Variants in CDH4 observed in about 807,000 individuals in gnomAD.
The protein encoded by CDH4 is cadherin 4.
CDH4 carries 33 observed loss-of-function variants against 86.0 expected under a neutral mutation model. That is an observed-to-expected ratio of 0.38 (90% CI 0.29 to 0.51). CDH4 has a LOEUF of 0.51. Among genes scored for constraint, CDH4 ranks in the 20% least tolerant of loss-of-function variants. CDH4 has a pLI of 0.86. For synonymous variants in CDH4, 555 were observed against 549.4 expected, an observed-to-expected ratio of 1.01 and a Z score of -0.14; for missense variants, 1,114 against 1,307.4, an observed-to-expected ratio of 0.85 and a Z score of 2.28.
At chr20:61,796,734 G>C (rs978124587) in intron 4 of CDH4, among the ~76,000 whole-genome samples, 6 of 152,142 alleles carry the variant, frequency 3.9e-5, no homozygotes, top group Non-Finnish European at 7.4e-5. Flanking sequence ...CAGGGCCCAA[G>C]GGGAGCTTTG....
chr20:61,858,683 T>A (rs1233813531), intron 6 of CDH4, among the ~76,000 whole-genome samples: 1 of 152,238 alleles, frequency 6.6e-6, no homozygotes. Flanking sequence ...TGTTCCCTTT[T>A]GGGATTGGCT....
chr20:61,746,051 C>T (rs1190540639), intron 3 of CDH4, among the ~76,000 whole-genome samples: 1 of 152,100 alleles, frequency 6.6e-6, no homozygotes, highest in Admixed American at 6.5e-5. Flanking sequence ...AATTCATGTC[C>T]CAGGCTCAGC....
chr20:61,541,611 TCTC>T (rs1345216836), intron 2 of CDH4, among the ~76,000 whole-genome samples: 1 of 152,140 alleles, frequency 6.6e-6, no homozygotes, highest in Non-Finnish European at 1.5e-5. Flanking sequence ...GTTCCCGTGA[TCTC>T]CTGCCTTCTC....
At chr20:61,752,549 G>A (rs2088512288) in intron 3 of CDH4, among the ~76,000 whole-genome samples, 1 of 152,124 alleles carries the variant, frequency 6.6e-6, no homozygotes, top group Admixed American at 6.5e-5. Flanking sequence ...GTATAGGCAG[G>A]TAATACCAAG....
intron 2 of CDH4, among the ~76,000 whole-genome samples, chr20:61,320,993 G>A (rs973415287): frequency 6.6e-6 from 1 of 152,126 alleles, no homozygotes; most frequent in Admixed American, 6.5e-5. Context: ...CCTCCAGGCT[G>A]GCTCTGTCCA....
chr20:61,352,479 C>A (rs1264804308), intron 2 of CDH4, among the ~76,000 whole-genome samples: 1 of 152,254 alleles, frequency 6.6e-6, no homozygotes, highest in African/African-American at 2.4e-5. Flanking sequence ...TTAGAAAGGA[C>A]TGCACTGGCC....
intron 2 of CDH4, among the ~76,000 whole-genome samples, chr20:61,387,730 A>G (rs2084959852): frequency 1.3e-5 from 2 of 152,176 alleles, no homozygotes; most frequent in Admixed American, 1.3e-4. Flanking sequence ...TGGTCCACGC[A>G]AGCCTCTATT....
chr20:61,276,354 C>T (rs1419303395), intron 2 of CDH4, among the ~76,000 whole-genome samples: 1 of 152,174 alleles, frequency 6.6e-6, no homozygotes, highest in Non-Finnish European at 1.5e-5. Context: ...GGGCTTATGC[C>T]TTTGCTTTTC....
At chr20:61,728,702 A>G (rs1307634026) in intron 2 of CDH4, among the ~76,000 whole-genome samples, 2 of 152,240 alleles carry the variant, frequency 1.3e-5, no homozygotes, top group Non-Finnish European at 2.9e-5. Context: ...AGCAGACAGT[A>G]TTGAATGAAC....
chr20:61,668,657 C>A (rs1340827802), intron 2 of CDH4, among the ~76,000 whole-genome samples: 1 of 152,224 alleles, frequency 6.6e-6, no homozygotes, highest in East Asian at 1.9e-4. Flanking sequence ...GGTGAAATGG[C>A]ACACCCAAGG....
At chr20:61,891,289 G>A (rs1046894008) in intron 7 of CDH4, among the ~76,000 whole-genome samples, 4 of 152,296 alleles carry the variant, frequency 2.6e-5, no homozygotes, top group South Asian at 2.1e-4. Flanking sequence ...GAACACAGTC[G>A]TGTCCCATTT....
rs556923253 is a variant in CDH4, at chr20:61,573,557, T to C, written c.170-170006T>C. 1.3e-4 allele frequency among the ~76,000 whole-genome samples: 19 copies of C among 151,804 alleles called. No homozygotes were observed. The South Asian group carries it at 3.3e-3, about 27-fold the overall frequency. ...CTGTTGGCATGTTTGGTGGAGGGGG[T>C]CGTGTCCCACAGTCCTGACCAGCGT... On this transcript the variant is annotated intron_variant, in intron 2 of 15. Transcript: ENST00000614565.
intron 2 of CDH4, among the ~76,000 whole-genome samples, chr20:61,346,354 G>T (rs2084679475): frequency 1.3e-5 from 2 of 152,204 alleles, no homozygotes; most frequent in Non-Finnish European, 2.9e-5. Flanking sequence ...CCAGCCATGG[G>T]AGCCCCAGCA....
rs190051132 is a variant in CDH4, at chr20:61,258,058, G to A, written c.169+3121G>A. On this transcript the variant is annotated intron_variant, in intron 2 of 15. Coordinates refer to ENST00000614565, the MANE Select transcript of CDH4 (RefSeq NM_001794.5). ...TAGAAAGAGGAGCTTGGCTGGGTGCGGTGGCTCACGCCTGTAATCCCAGCA... is the reference window on the plus strand; with the variant it reads ...TAGAAAGAGGAGCTTGGCTGGGTGCAGTGGCTCACGCCTGTAATCCCAGCA... Among the ~76,000 whole-genome samples, 565 of 152,222 alleles carry A rather than the reference G, an allele frequency of 3.7e-3. 5 individuals are homozygous for A. The highest frequency in any genetic ancestry group is 0.013 in the African/African-American group (536 of 41,548).
At chr20:61,644,075 T>C (rs1271074591) in intron 2 of CDH4, among the ~76,000 whole-genome samples, 1 of 151,402 alleles carries the variant, frequency 6.6e-6, no homozygotes, top group African/African-American at 2.4e-5. Flanking sequence ...ATAGCAAGGG[T>C]GGGGATTCTT....
intron 2 of CDH4, among the ~76,000 whole-genome samples, chr20:61,727,458 T>G (rs771671897): frequency 3.3e-5 from 5 of 152,216 alleles, no homozygotes; most frequent in Non-Finnish European, 5.9e-5. Flanking sequence ...TCATCATCAC[T>G]GCCAATATCA....
intron 2 of CDH4, among the ~76,000 whole-genome samples, chr20:61,315,635 C>A (rs1269183573): frequency 6.6e-6 from 1 of 152,198 alleles, no homozygotes; most frequent in East Asian, 1.9e-4. Context: ...CCCTCTCTGT[C>A]TCGTGACAAA....
At chr20:61,850,938 C>T (rs1169779352) in intron 5 of CDH4, among the ~76,000 whole-genome samples, 1 of 152,256 alleles carries the variant, frequency 6.6e-6, no homozygotes, top group African/African-American at 2.4e-5. Flanking sequence ...CGCGCTGCTC[C>T]CGCTGCTACA....
chr20:61,824,745 G>A (rs943198398), intron 4 of CDH4, among the ~76,000 whole-genome samples: 3 of 152,170 alleles, frequency 2.0e-5, no homozygotes, highest in African/African-American at 7.2e-5. Context: ...TCCTGTGAAG[G>A]CCTTTTCATC....
Sources: gnomAD v4.1 joint callset for allele counts (sites outside exome capture counted in the v4.1 genomes callset) on GRCh38, gnomAD v4.1.1 for gene constraint, MANE v1.5 for transcripts, NCBI Gene and HGNC (gene_info 2026-07-23, HGNC 2026-07-21) for gene names.